The following SCUBE1 variants were observed in gnomAD, a reference collection of about 807,000 sequenced individuals.
SCUBE1 encodes the protein signal peptide, CUB domain and EGF like domain containing 1.
Under a neutral mutation model 124.4 loss-of-function variants are expected in SCUBE1, and 59 were observed. The observed-to-expected ratio is 0.47, with a 90% CI of 0.38 to 0.59. The LOEUF is 0.59. Among genes scored for constraint, SCUBE1 ranks in the 20% least tolerant of loss-of-function variants. The pLI is 0.00. For synonymous variants in SCUBE1, 545 were observed against 550.9 expected (o/e 0.99, Z 0.15); for missense variants, 1,150 against 1,371.2 (o/e 0.84, Z 2.55).
rs1923764205 is a variant in SCUBE1, at chr22:43,258,810, T to C, written c.611-475A>G. On this transcript the variant is annotated intron_variant, in intron 5 of 21. Coordinates refer to ENST00000360835, the MANE Select transcript of SCUBE1 (RefSeq NM_173050.5). The surrounding 1 kb of genome is among the most constrained non-coding windows in gnomAD (Gnocchi z 5.0). ...CTGGCAGAGCTTTCCTTCCTCTGCC[T>C]GTCTTGGGGTGTGTGGATGTCTCCA... 6.6e-6 allele frequency among the ~76,000 whole-genome samples: 1 copy of C among 152,196 alleles called. No individual in the cohort carries two copies. The highest frequency in any genetic ancestry group is 2.4e-5 in the African/African-American group (1 of 41,438).
chr22:43,222,050 C>T (rs1406867801), intron 12 of SCUBE1, among the ~76,000 whole-genome samples: 1 of 152,050 alleles, frequency 6.6e-6, no homozygotes. Context: ...GGTGACAGAG[C>T]GAGACTCCGT....
intron 2 of SCUBE1, 58 bp from the exon 3 acceptor site, chr22:43,320,123 A>G: frequency 6.2e-7 from 1 of 1,604,070 alleles, no homozygotes; most frequent in Non-Finnish European, 8.5e-7. Flanking sequence ...CCCCTCTCCC[A>G]ACACCATGGA....
In SCUBE1 at chr22:43,210,149, G is replaced by C; in HGVS notation, c.2475C>G (p.Val825=). 1 of 1,611,566 alleles carries C rather than the reference G, an allele frequency of 6.2e-7. No individual in the cohort carries two copies. The change falls in exon 19 of 22, where the codon GTC becomes GTG. Residue 825 remains valine, a synonymous_variant. Transcript: ENST00000360835. The surrounding 1 kb of genome is among the most constrained non-coding windows in gnomAD (Gnocchi z 4.5). ...GCTTTGGGGGAGGCGCGATGTGCCA[G>C]ACGCATTCAGCGTTGGCTGGGTAGT... ...PGDYPANAEC[V]WHIAPPPKRR...
At chr22:43,214,045 C>CGGGGGGGGG in intron 16 of SCUBE1, 45 bp downstream of exon 16, 2 of 457,528 alleles carry the variant, frequency 4.4e-6, no homozygotes, top group Non-Finnish European at 7.6e-6. Flanking sequence ...GGAGGAGCCC[C>CGGGGGGGGG]CGCCCACCCC....
intron 3 of SCUBE1, among the ~76,000 whole-genome samples, chr22:43,313,652 C>T (rs1926245402): frequency 2.6e-5 from 4 of 152,104 alleles, no homozygotes; most frequent in Admixed American, 2.0e-4. Flanking sequence ...GTTTCAATTC[C>T]CTCTGGTGTC....
In SCUBE1 at chr22:43,199,629, G is replaced by C. The variant is rs964697055; in HGVS notation, c.*4368C>G. On this transcript the variant is annotated 3_prime_UTR_variant, in exon 22 of 22. Transcript: ENST00000360835. ...GCAGCCTGGGCCACCATGGAGGTGG[G>C]GGAGGACTGGGCCACACTGTACCCT... 2 of 147,374 alleles carry C rather than the reference G, an allele frequency of 1.4e-5. No homozygotes were observed. The highest frequency in any genetic ancestry group is 6.7e-5 in the Admixed American group (1 of 14,864). 9.1% of individuals were successfully genotyped at this position (147,374 alleles called of 1,614,324 possible).
intron 3 of SCUBE1, among the ~76,000 whole-genome samples, chr22:43,297,826 T>C (rs1284647936): frequency 1.1e-4 from 17 of 152,230 alleles, no homozygotes; most frequent in Admixed American, 4.6e-4. Context: ...CCCGCAAATA[T>C]TTCCCGATTT....
chr22:43,249,797 G>T (rs1255334568), intron 6 of SCUBE1, among the ~76,000 whole-genome samples: 2 of 152,240 alleles, frequency 1.3e-5, no homozygotes, highest in Non-Finnish European at 1.5e-5. Context: ...GGCCCAGAGG[G>T]CTTGGCTGGG....
At chr22:43,236,820 C>G (rs1009187842) in intron 7 of SCUBE1, among the ~76,000 whole-genome samples, 2 of 152,230 alleles carry the variant, frequency 1.3e-5, no homozygotes, top group Admixed American at 6.5e-5. Flanking sequence ...GAAAACCTGT[C>G]TTCTGCACTC....
rs7284854 is a variant in SCUBE1, at chr22:43,212,684, C to A, written c.2054-92G>T. On this transcript the variant is annotated intron_variant, in intron 16 of 21. Coordinates refer to ENST00000360835, the MANE Select transcript of SCUBE1 (RefSeq NM_173050.5). ...TCAGGCCCCGCTCTTGGCCCTTGCC[C>A]GGCCCTGGAAAAGGTACTGGGCACC... The A allele has an allele frequency of 3.3e-6, 4 of 1,196,092 alleles. No homozygotes were observed. In the South Asian group the frequency reaches 5.5e-5, roughly 16 times the overall value. The allele number at this position is 1,196,092 out of a possible 1,614,324, so 74.1% of individuals were successfully genotyped here.
chr22:43,219,315 C>T (rs1181069931), intron 14 of SCUBE1, among the ~76,000 whole-genome samples: 1 of 152,148 alleles, frequency 6.6e-6, no homozygotes, highest in African/African-American at 2.4e-5. Flanking sequence ...GCCAGCTGCT[C>T]TTCACCTTCC....
Position 43,280,776 on chromosome 22 carries a change from C to T in SCUBE1, c.484+10270G>A, listed in dbSNP as rs28695648. ...TGTCACCTCCCTCATTGGCCACCCT[C>T]CTGTCATCTCCTCCTCAGCTACCCT... On this transcript the variant is annotated intron_variant, in intron 4 of 21. Transcript: ENST00000360835. Among the ~76,000 whole-genome samples, 348 of 133,604 alleles carry T rather than the reference C, an allele frequency of 2.6e-3. 2 individuals are homozygous for T. The highest frequency in any genetic ancestry group is 9.7e-3 in the African/African-American group (311 of 32,182). 87.6% of individuals were successfully genotyped at this position (133,604 alleles called of 152,430 possible). A position where few individuals can be genotyped will look rare whatever the true frequency, so the allele number is the denominator to read the frequency against.
chr22:43,206,816 G>A (rs1470296084), intron 21 of SCUBE1, among the ~76,000 whole-genome samples: 3 of 152,140 alleles, frequency 2.0e-5, no homozygotes, highest in Non-Finnish European at 2.9e-5. Flanking sequence ...TGCGGGGAGA[G>A]AGCCCAGGAC....
In SCUBE1 at chr22:43,208,914, C is replaced by T. The variant is rs550131931; in HGVS notation, c.2582-690G>A. Among the ~76,000 whole-genome samples the T allele has an allele frequency of 3.6e-3, 555 of 152,278 alleles. 1 individual carries two copies. The highest frequency in any genetic ancestry group is 0.01 in the Middle Eastern group (3 of 294). On this transcript the variant is annotated intron_variant, in intron 19 of 21. Transcript: ENST00000360835. ...GCTCCTTGGCAAGGCCTCACGGCTC[C>T]CTGGGGGCCTTCCCGAGGAGCCCTT...
In SCUBE1 at chr22:43,262,818, T is replaced by C. The variant is rs772876724; in HGVS notation, c.512A>G (p.His171Arg). ...NEGMNCMNKD[H>R]GCAHICRETP... ...CTCCCGGCAGATGTGGGCACAGCCA[T>C]GGTCTTTGTTCATGCAGTTCATACC... The change falls in exon 5 of 22, where the codon CAT becomes CGT. Residue 171 changes from histidine to arginine, a missense_variant. His to Arg is a conservative substitution (Grantham distance 29, BLOSUM62 0). This residue lies in a region of SCUBE1 where 337 missense variants were observed against 482.1 expected (regional missense o/e 0.70). Coordinates refer to ENST00000360835, the MANE Select transcript of SCUBE1 (RefSeq NM_173050.5). The C allele has an allele frequency of 6.2e-7, 1 of 1,614,138 alleles. No individual in the cohort carries two copies. The highest frequency in any genetic ancestry group is 1.1e-5 in the South Asian group (1 of 91,084).
rs545997934 is a variant in SCUBE1, at chr22:43,328,684, C to T, written c.221-8619G>A. Among the ~76,000 whole-genome samples, 8 of 152,286 alleles carry T rather than the reference C, an allele frequency of 5.3e-5. No individual in the cohort carries two copies. The East Asian group carries it at 9.6e-4, about 18-fold the overall frequency. On this transcript the variant is annotated intron_variant, in intron 2 of 21. Coordinates refer to ENST00000360835, the MANE Select transcript of SCUBE1 (RefSeq NM_173050.5). The stretch of plus-strand genomic sequence containing the variant: ...CAGCTTGGGCTTCTTTCTCTCATCT[C>T]GGGATCCAGCAGTGGGCAGGGCCTG...
chr22:43,262,682 G>A (rs1461806392), intron 5 of SCUBE1, 38 bp downstream of exon 5: 14 of 1,607,024 alleles, frequency 8.7e-6, no homozygotes, highest in Admixed American at 3.3e-5. Flanking sequence ...GGCAGGAGAC[G>A]CACGGGACGT....
chr22:43,261,648 G>A (rs772474035), intron 5 of SCUBE1, among the ~76,000 whole-genome samples: 1 of 152,158 alleles, frequency 6.6e-6, no homozygotes, highest in Non-Finnish European at 1.5e-5. Context: ...TTATGACAGC[G>A]GGGCAGCCTC....
intron 2 of SCUBE1, among the ~76,000 whole-genome samples, chr22:43,325,444 TAAAAAAA>T (rs35598383): frequency 1.1e-5 from 1 of 89,494 alleles, no homozygotes; most frequent in South Asian, 4.2e-4. Context: ...ACTCCGTCTT[TAAAAAAA>T]AAAAAAAAAA....
Sources: allele counts gnomAD v4.1 joint callset (sites outside exome capture counted in the v4.1 genomes callset), GRCh38; gene constraint gnomAD v4.1.1; regional missense constraint gnomAD v4.1.1; non-coding constraint Gnocchi (gnomAD v3.1); transcripts MANE v1.5; gene names NCBI Gene and HGNC (gene_info 2026-07-23, HGNC 2026-07-21).